KLRG2: variants seen among roughly 807,000 people sequenced by gnomAD.
KLRG2 encodes the protein killer cell lectin-like receptor subfamily G member 2.
Under a neutral mutation model 35.4 loss-of-function variants are expected in KLRG2, and 39 were observed. That is an observed-to-expected ratio of 1.10 (90% CI 0.85 to 1.44). The LOEUF is 1.44. Ranked by LOEUF, KLRG2 falls within the 40% of genes most tolerant of loss-of-function variation. The pLI is 0.00. For missense variants in KLRG2, 632 were observed against 570.9 expected (o/e 1.11, Z -1.09); for synonymous variants, 283 against 265.8 (o/e 1.06, Z -0.63).
At chr7:139,444,776 C>T in the KLRG2 span, among the ~76,000 whole-genome samples, 12 of 152,264 alleles carry the variant, frequency 7.9e-5, no homozygotes, top group African/African-American at 2.9e-4. Context: ...GTCACTATTA[C>T]GACGACACAA....
chr7:139,454,851 ATAATAATAATAAT>A (rs1585161931), intron 3 of KLRG2, among the ~76,000 whole-genome samples: 1 of 114,148 alleles, frequency 8.8e-6, no homozygotes, highest in Non-Finnish European at 1.7e-5. Context: ...AATAATAATA[ATAATAATAATAAT>A]AACACACGCA....
At chr7:139,455,360 T>C (rs1214242128) in intron 3 of KLRG2, among the ~76,000 whole-genome samples, 34 of 137,272 alleles carry the variant, frequency 2.5e-4, no homozygotes, top group East Asian at 4.4e-4. Flanking sequence ...CTCGCTCTGT[T>C]GCCCAGGCTG....
At chr7:139,455,588 T>C (rs547230416) in intron 3 of KLRG2, among the ~76,000 whole-genome samples, 1 of 152,298 alleles carries the variant, frequency 6.6e-6, no homozygotes, top group East Asian at 1.9e-4. Context: ...CTCAAAGTGC[T>C]GGGATTACAG....
At chr7:139,435,580 AAATTCTCTCCTGGCCTCTCCC>A in the KLRG2 span, among the ~76,000 whole-genome samples, 77 of 152,278 alleles carry the variant, frequency 5.1e-4, no homozygotes, top group Non-Finnish European at 9.7e-4. Flanking sequence ...ATCTCCCCAC[AAATTCTCTCCTGGCCTCTCCC>A]AATCCTCTCC....
At position 139,482,934 on chromosome 7, in the gene KLRG2, C is replaced by A. The variant is rs201522918; in HGVS notation, c.709G>T (p.Ala237Ser). 2.3e-5 allele frequency: 34 copies of A among 1,493,790 alleles called. No individual in the cohort carries two copies. In the African/African-American group the frequency reaches 4.8e-4, roughly 21 times the overall value. 92.5% of individuals were successfully genotyped at this position (1,493,790 alleles called of 1,614,324 possible). ...EKEDAALLPR[A>S]GLDGDEKLPR... ...AGCTTCTCGTCGCCGTCCAACCCCG[C>A]GCGGGGCAACAGCGCCGCATCCTCC... Residue 237 changes from alanine to serine, a missense_variant, in exon 1 of 5, where the codon GCG becomes TCG. Transcript: ENST00000340940.
At chr7:139,439,108 A>G in the KLRG2 span, among the ~76,000 whole-genome samples, 3 of 152,210 alleles carry the variant, frequency 2.0e-5, no homozygotes, top group Non-Finnish European at 4.4e-5. Context: ...TGACATGTTC[A>G]TAACAGCTTA....
chr7:139,473,562 T>C (rs1276595445), intron 3 of KLRG2, among the ~76,000 whole-genome samples: 1 of 152,054 alleles, frequency 6.6e-6, no homozygotes, highest in Non-Finnish European at 1.5e-5. Context: ...TTTGAGGAAA[T>C]TTTCTAACAT....
chr7:139,435,691 T>A, the KLRG2 span, among the ~76,000 whole-genome samples: 1 of 152,200 alleles, frequency 6.6e-6, no homozygotes, highest in Non-Finnish European at 1.5e-5. Context: ...AATGGAGTTA[T>A]TGGCATACAG....
At chr7:139,429,249 T>C in the KLRG2 span, among the ~76,000 whole-genome samples, 1 of 152,226 alleles carries the variant, frequency 6.6e-6, no homozygotes, top group African/African-American at 2.4e-5. Context: ...GAGGTTGCAG[T>C]GGGCTGAGAT....
intron 3 of KLRG2, among the ~76,000 whole-genome samples, chr7:139,470,065 T>A (rs1204544223): frequency 6.8e-6 from 1 of 146,292 alleles, no homozygotes; most frequent in Non-Finnish European, 1.5e-5. Context: ...AAGCAATTCT[T>A]TTTTTTTTTT....
chr7:139,470,110 T>C (rs966256481), intron 3 of KLRG2, among the ~76,000 whole-genome samples: 1 of 151,668 alleles, frequency 6.6e-6, no homozygotes, highest in Admixed American at 6.6e-5. Context: ...CAGGCTTGAA[T>C]GCAGTGGTGT....
At chr7:139,448,054 G>C (rs1427939923), downstream of KLRG2, among the ~76,000 whole-genome samples, 1 of 152,084 alleles carries the variant, frequency 6.6e-6, no homozygotes, top group Admixed American at 6.6e-5. Flanking sequence ...GAGTGCAGGC[G>C]TACAATCATG....
chr7:139,469,515 G>A (rs1423600193), intron 3 of KLRG2, among the ~76,000 whole-genome samples: 2 of 151,946 alleles, frequency 1.3e-5, no homozygotes, highest in East Asian at 1.9e-4. Context: ...GCGCGATCTC[G>A]GCTCACTGCA....
At chr7:139,478,347 A>G (rs4728470) in intron 3 of KLRG2, among the ~76,000 whole-genome samples, 18,522 of 147,522 alleles carry the variant, frequency 0.13, 1,349 homozygotes, top group East Asian at 0.27. Flanking sequence ...CCTGGGCAAC[A>G]GAGTGAGGAC....
At chr7:139,465,444 G>A (rs974041783) in intron 3 of KLRG2, among the ~76,000 whole-genome samples, 3 of 152,212 alleles carry the variant, frequency 2.0e-5, no homozygotes, top group African/African-American at 7.2e-5. Context: ...TGTAATTCCA[G>A]CACTTTGGGA....
the KLRG2 span, among the ~76,000 whole-genome samples, chr7:139,430,262 C>T: frequency 6.6e-5 from 10 of 152,000 alleles, no homozygotes; most frequent in Non-Finnish European, 1.0e-4. Context: ...ATTAGCCAGG[C>T]GTGGTGGTGC....
intron 3 of KLRG2, among the ~76,000 whole-genome samples, chr7:139,464,073 T>A (rs1387219339): frequency 6.6e-6 from 1 of 152,196 alleles, no homozygotes; most frequent in Non-Finnish European, 1.5e-5. Context: ...AACTAAATTA[T>A]CTGCTTCCCT....
At chr7:139,473,632 G>C (rs540340039) in intron 3 of KLRG2, among the ~76,000 whole-genome samples, 1 of 152,254 alleles carries the variant, frequency 6.6e-6, no homozygotes, top group South Asian at 2.1e-4. Flanking sequence ...GCTAATGCAG[G>C]GAGCAGAGGA....
intron 3 of KLRG2, among the ~76,000 whole-genome samples, chr7:139,476,297 C>CACGGAGGAGGGAGGCAAAAGGCAT (rs1554405170): frequency 6.6e-6 from 1 of 152,038 alleles, no homozygotes; most frequent in Non-Finnish European, 1.5e-5. Flanking sequence ...CAGGGAATCC[C>CACGGAGGAGGGAGGCAAAAGGCAT]ACGGAGGAGG....
Sources: allele counts gnomAD v4.1 joint callset (sites outside exome capture counted in the v4.1 genomes callset), GRCh38; gene constraint gnomAD v4.1.1; transcripts MANE v1.5; gene names NCBI Gene and HGNC (gene_info 2026-07-23, HGNC 2026-07-21).